The following TMEM117 variants were observed in gnomAD, a reference collection of about 807,000 sequenced individuals.
The protein encoded by TMEM117 is transmembrane protein 117.
Under a neutral mutation model 52.4 loss-of-function variants are expected in TMEM117, and 27 were observed. The ratio of observed to expected loss-of-function variants is 0.51; its 90% confidence interval spans 0.38 to 0.71. TMEM117 has a LOEUF of 0.71. Among genes scored for constraint, TMEM117 ranks in the 30% least tolerant of loss-of-function variants. The probability of loss-of-function intolerance (pLI) is 0.00; values close to 1 mark genes in which losing one functional copy is unlikely to be tolerated. For missense variants in TMEM117, 556 were observed against 630.5 expected, an observed-to-expected ratio of 0.88 and a Z score of 1.26; for synonymous variants, 215 against 206.3, an observed-to-expected ratio of 1.04 and a Z score of -0.36.
intron 2 of TMEM117, among the ~76,000 whole-genome samples, chr12:43,897,026 A>G (rs1036807278): frequency 5.3e-5 from 8 of 152,296 alleles, no homozygotes; most frequent in African/African-American, 1.9e-4. Context: ...TCAAGTGCCT[A>G]TAAGACAACT....
At chr12:44,126,266 T>A (rs1015375844) in intron 3 of TMEM117, among the ~76,000 whole-genome samples, 3 of 152,202 alleles carry the variant, frequency 2.0e-5, no homozygotes, top group Admixed American at 6.5e-5. Context: ...TGTTAGATTT[T>A]TGCAGTTTCT....
intron 2 of TMEM117, among the ~76,000 whole-genome samples, chr12:43,894,500 C>G (rs1370555936): frequency 6.6e-6 from 1 of 151,794 alleles, no homozygotes; most frequent in African/African-American, 2.4e-5. Context: ...TTTCATCACC[C>G]AGGTATTAAG....
chr12:43,916,569 C>T (rs1286517016), intron 2 of TMEM117, among the ~76,000 whole-genome samples: 3 of 152,162 alleles, frequency 2.0e-5, no homozygotes, highest in Non-Finnish European at 2.9e-5. Flanking sequence ...AGGATGTTCA[C>T]AGGATGCTGC....
At chr12:43,913,197 C>T (rs902724772) in intron 2 of TMEM117, among the ~76,000 whole-genome samples, 1 of 152,122 alleles carries the variant, frequency 6.6e-6, no homozygotes, top group Admixed American at 6.6e-5. Flanking sequence ...CATGAACTGT[C>T]TATGGGTCCT....
intron 3 of TMEM117, among the ~76,000 whole-genome samples, chr12:43,950,676 C>T (rs549745520): frequency 1.3e-5 from 2 of 152,306 alleles, no homozygotes; most frequent in South Asian, 2.1e-4. Flanking sequence ...CCGATAAGCT[C>T]TCAGAAGTTG....
chr12:44,130,731 A>G (rs758617017), intron 3 of TMEM117, among the ~76,000 whole-genome samples: 1 of 151,978 alleles, frequency 6.6e-6, no homozygotes, highest in Non-Finnish European at 1.5e-5. Context: ...TTTTATTCCT[A>G]TGTACATTTT....
intron 6 of TMEM117, among the ~76,000 whole-genome samples, chr12:44,347,252 A>C (rs1399928396): frequency 6.6e-6 from 1 of 152,082 alleles, no homozygotes; most frequent in Non-Finnish European, 1.5e-5. Context: ...AGGACTTCAA[A>C]TGCCATGCAT....
At chr12:44,084,526 A>G (rs1411850384) in intron 3 of TMEM117, among the ~76,000 whole-genome samples, 1 of 152,174 alleles carries the variant, frequency 6.6e-6, no homozygotes, top group Non-Finnish European at 1.5e-5. Flanking sequence ...TAAGAGGCAA[A>G]TGTATTATAT....
chr12:43,806,738 C>G, the TMEM117 span, among the ~76,000 whole-genome samples: 4 of 152,196 alleles, frequency 2.6e-5, no homozygotes, highest in African/African-American at 4.8e-5. Context: ...TGTAGAAAAG[C>G]CTTCTCCTTG....
Position 43,930,356 on chromosome 12 carries a change from T to G in TMEM117, c.278-13854T>G, listed in dbSNP as rs573325056. 7.9e-5 allele frequency among the ~76,000 whole-genome samples: 12 copies of G among 152,310 alleles called. No individual in the cohort carries two copies. The East Asian group carries it at 1.9e-3, about 24-fold the overall frequency. On this transcript the variant is annotated intron_variant, in intron 2 of 7. Coordinates refer to ENST00000266534, the MANE Select transcript of TMEM117 (RefSeq NM_032256.3). ...TCGGGTCATTTCCTGAGTTTCCTTA[T>G]TTTTTCTGGTATTTTGTTCCCTCAT...
chr12:43,919,588 T>A (rs1343719559), intron 2 of TMEM117, among the ~76,000 whole-genome samples: 1 of 152,222 alleles, frequency 6.6e-6, no homozygotes, highest in Non-Finnish European at 1.5e-5. Context: ...AGCTTGGCTG[T>A]TGAAACTGCA....
At chr12:44,121,260 G>A (rs184034026) in intron 3 of TMEM117, among the ~76,000 whole-genome samples, 38 of 152,244 alleles carry the variant, frequency 2.5e-4, no homozygotes, top group South Asian at 4.1e-4. Flanking sequence ...GAGCCAAACC[G>A]TATCAATGTC....
chr12:44,352,764 A>G (rs1951582987), intron 6 of TMEM117, among the ~76,000 whole-genome samples: 1 of 152,208 alleles, frequency 6.6e-6, no homozygotes, highest in East Asian at 1.9e-4. Context: ...ATACGTGTTC[A>G]TGTGTCTTTA....
chr12:44,311,742 T>C (rs1030597785), intron 6 of TMEM117, among the ~76,000 whole-genome samples: 18 of 136,870 alleles, frequency 1.3e-4, no homozygotes, highest in African/African-American at 1.9e-4. Context: ...TATATATGTA[T>C]ATATGTGTAT....
intron 6 of TMEM117, among the ~76,000 whole-genome samples, chr12:44,340,212 C>T (rs564912554): frequency 1.4e-4 from 21 of 152,128 alleles, no homozygotes; most frequent in African/African-American, 4.8e-4. Flanking sequence ...TGACTCCTTA[C>T]ACCAAAGGAA....
intron 4 of TMEM117, among the ~76,000 whole-genome samples, chr12:44,168,020 C>G (rs948527966): frequency 3.3e-5 from 5 of 152,036 alleles, no homozygotes; most frequent in African/African-American, 9.7e-5. Context: ...CTTTGGGAGG[C>G]TGAGGTGGGC....
chr12:43,929,417 A>ATT (rs1241666843), intron 2 of TMEM117, among the ~76,000 whole-genome samples: 2 of 152,182 alleles, frequency 1.3e-5, no homozygotes, highest in Non-Finnish European at 2.9e-5. Context: ...TTTAATTAAT[A>ATT]TTGCCAACAA....
the TMEM117 span, among the ~76,000 whole-genome samples, chr12:43,806,827 C>T: frequency 1.8e-4 from 27 of 152,162 alleles, no homozygotes; most frequent in Non-Finnish European, 2.8e-4. Flanking sequence ...TAATCTCAGA[C>T]TGTTAACTTT....
intron 3 of TMEM117, among the ~76,000 whole-genome samples, chr12:44,033,297 C>T (rs1195637339): frequency 6.6e-6 from 1 of 152,196 alleles, no homozygotes; most frequent in East Asian, 1.9e-4. Flanking sequence ...AAATGAGCAA[C>T]TAGCAGCCCT....
Sources: allele counts gnomAD v4.1 joint callset (sites outside exome capture counted in the v4.1 genomes callset), GRCh38; gene constraint gnomAD v4.1.1; transcripts MANE v1.5; gene names NCBI Gene and HGNC (gene_info 2026-07-23, HGNC 2026-07-21).